CTNNA3: variants seen among roughly 807,000 people sequenced by gnomAD.
CTNNA3 encodes catenin alpha-3.
CTNNA3 carries 76 observed loss-of-function variants against 95.7 expected under a neutral mutation model. The observed-to-expected ratio is 0.79, with a 90% CI of 0.66 to 0.96. The LOEUF is 0.96. Ranked by LOEUF, CTNNA3 falls within the 40% of genes least tolerant of loss-of-function variation. The pLI is 0.00. For missense variants in CTNNA3, 1,191 were observed against 1,089.8 expected, an observed-to-expected ratio of 1.09 and a Z score of -1.31; for synonymous variants, 431 against 374.4, an observed-to-expected ratio of 1.15 and a Z score of -1.74.
At chr10:67,693,432 T>A (rs1840907190) in intron 1 of CTNNA3, among the ~76,000 whole-genome samples, 1 of 152,236 alleles carries the variant, frequency 6.6e-6, no homozygotes, top group Non-Finnish European at 1.5e-5. Flanking sequence ...AAGTTTTCAT[T>A]ACAAAGCGCA....
chr10:66,648,496 A>T (rs1845783693), intron 9 of CTNNA3, among the ~76,000 whole-genome samples: 1 of 152,186 alleles, frequency 6.6e-6, no homozygotes, highest in Non-Finnish European at 1.5e-5. Context: ...TGATCTCTAA[A>T]AAAGAGTCGA....
intron 7 of CTNNA3, among the ~76,000 whole-genome samples, chr10:66,893,772 T>C (rs1157033424): frequency 6.6e-6 from 1 of 152,166 alleles, no homozygotes; most frequent in African/African-American, 2.4e-5. Flanking sequence ...TCTGGCTACA[T>C]ACTAAGTCCT....
chr10:65,922,073 T>C (rs2077095175), intron 17 of CTNNA3, among the ~76,000 whole-genome samples: 1 of 152,174 alleles, frequency 6.6e-6, no homozygotes. Context: ...GTAACACAGA[T>C]ATTAGATAGT....
At chr10:66,417,838 T>C (rs1057100742) in intron 11 of CTNNA3, among the ~76,000 whole-genome samples, 9 of 151,658 alleles carry the variant, frequency 5.9e-5, no homozygotes, top group African/African-American at 2.2e-4. Flanking sequence ...ACAAAATATA[T>C]CAAAATCTGT....
intron 8 of CTNNA3, among the ~76,000 whole-genome samples, chr10:66,767,280 T>C (rs1839903665): frequency 6.6e-6 from 1 of 151,954 alleles, no homozygotes; most frequent in African/African-American, 2.4e-5. Flanking sequence ...ACCCCGTCTC[T>C]ACTAAAAATA....
At chr10:67,223,013 GC>G (rs1864729042) in intron 5 of CTNNA3, among the ~76,000 whole-genome samples, 1 of 152,222 alleles carries the variant, frequency 6.6e-6, no homozygotes, top group Non-Finnish European at 1.5e-5. Context: ...TGGAGCCTAT[GC>G]TTTGTCATCT....
intron 17 of CTNNA3, among the ~76,000 whole-genome samples, chr10:65,951,164 C>A (rs2077604384): frequency 6.6e-6 from 1 of 152,168 alleles, no homozygotes; most frequent in South Asian, 2.1e-4. Flanking sequence ...GAGAAGCACC[C>A]TCTTAAAATC....
chr10:67,647,374 T>C, intron 2 of CTNNA3, 41 bp downstream of exon 2: 1 of 1,372,214 alleles, frequency 7.3e-7, no homozygotes. Context: ...TTTTCATTCT[T>C]CTGCAGTTAC....
At chr10:66,000,015 T>C (rs1447372981) in intron 15 of CTNNA3, among the ~76,000 whole-genome samples, 1 of 152,040 alleles carries the variant, frequency 6.6e-6, no homozygotes. Flanking sequence ...ATTCCATTTT[T>C]ATACATACTT....
chr10:66,070,376 C>A (rs568339430), intron 14 of CTNNA3, among the ~76,000 whole-genome samples: 2 of 152,286 alleles, frequency 1.3e-5, no homozygotes, highest in East Asian at 3.9e-4. Flanking sequence ...ACCCATTAAA[C>A]TGACTCACGA....
intron 13 of CTNNA3, among the ~76,000 whole-genome samples, chr10:66,149,540 T>G (rs1423427639): frequency 3.3e-5 from 5 of 151,518 alleles, no homozygotes; most frequent in African/African-American, 4.8e-5. Flanking sequence ...TTTTCTTCTT[T>G]TATTGTGTTT....
rs1342064236 is a variant in CTNNA3, at chr10:66,774,176, G to A, written c.1128+1268C>T. Among the ~76,000 whole-genome samples the A allele has an allele frequency of 5.9e-5, 9 of 152,258 alleles. No individual in the cohort carries two copies. In the South Asian group the frequency reaches 1.0e-3, roughly 18 times the overall value. ...AAGGCAATATAGAGGGAAAAGACAC[G>A]AACGAGAGACACAATCATTGAGAGC... On this transcript the variant is annotated intron_variant, in intron 8 of 17. Coordinates refer to ENST00000433211, the MANE Select transcript of CTNNA3 (RefSeq NM_013266.4).
intron 7 of CTNNA3, among the ~76,000 whole-genome samples, chr10:66,834,102 C>A (rs1042262476): frequency 2.0e-5 from 3 of 152,118 alleles, no homozygotes; most frequent in Admixed American, 2.0e-4. Context: ...ATAGAGAATG[C>A]CAATACAGGT....
intron 7 of CTNNA3, among the ~76,000 whole-genome samples, chr10:67,108,222 T>A (rs1858752361): frequency 1.3e-5 from 2 of 152,174 alleles, no homozygotes; most frequent in African/African-American, 2.4e-5. Context: ...AGTAAAGTTG[T>A]CATTTAAAAA....
At chr10:67,660,575 T>C (rs1344787296) in intron 1 of CTNNA3, among the ~76,000 whole-genome samples, 7 of 152,322 alleles carry the variant, frequency 4.6e-5, no homozygotes, top group African/African-American at 1.7e-4. Flanking sequence ...CAATTTCTCA[T>C]TCATGGAAAA....
At chr10:66,845,754 T>TACACACACACACAC (rs140313786) in intron 7 of CTNNA3, among the ~76,000 whole-genome samples, 1,693 of 108,356 alleles carry the variant, frequency 0.016, 29 homozygotes, top group Non-Finnish European at 0.024. Context: ...TATATATACA[T>TACACACACACACAC]ACACACACAC....
chr10:66,333,105 G>C (rs991814924), intron 12 of CTNNA3, among the ~76,000 whole-genome samples: 53 of 151,648 alleles, frequency 3.5e-4, no homozygotes, highest in African/African-American at 1.3e-3. Context: ...GAATCTATTT[G>C]ATTCTTCTCT....
At chr10:67,650,367 A>C (rs771389888) in intron 1 of CTNNA3, among the ~76,000 whole-genome samples, 5 of 152,192 alleles carry the variant, frequency 3.3e-5, no homozygotes, top group African/African-American at 7.2e-5. Context: ...ACGCTTTATA[A>C]ATAAAGTAAG....
intron 12 of CTNNA3, among the ~76,000 whole-genome samples, chr10:66,329,355 T>A (rs7918090): frequency 0.066 from 10,014 of 152,004 alleles, 1,055 homozygotes; most frequent in African/African-American, 0.23. Flanking sequence ...GGCCTTGCAA[T>A]CTACTATACT....
Sources: gnomAD v4.1 joint callset for allele counts (sites outside exome capture counted in the v4.1 genomes callset) on GRCh38, gnomAD v4.1.1 for gene constraint, MANE v1.5 for transcripts, NCBI Gene and HGNC (gene_info 2026-07-23, HGNC 2026-07-21) for gene names.